Variants in CMTM7 observed in about 807,000 individuals in gnomAD.
The protein encoded by CMTM7 is CKLF like MARVEL transmembrane domain containing 7, also known as CKLF-like MARVEL transmembrane domain-containing protein 7.
Under a neutral mutation model 19.3 loss-of-function variants are expected in CMTM7, and 7 were observed. That is an observed-to-expected ratio of 0.36 (90% CI 0.21 to 0.68). The LOEUF (loss-of-function observed/expected upper bound fraction) is 0.68. CMTM7 is among the 30% of genes least tolerant of loss of function. The pLI is 0.60. For missense variants in CMTM7, 193 were observed against 232.6 expected (o/e 0.83, Z 1.11); for synonymous variants, 87 against 99.3 (o/e 0.88, Z 0.74).
chr3:32,438,926 C>G (rs1696636951), intron 1 of CMTM7, among the ~76,000 whole-genome samples: 1 of 152,204 alleles, frequency 6.6e-6, no homozygotes, highest in Non-Finnish European at 1.5e-5. Context: ...AAACTAGATG[C>G]AAAATTGCCT....
At chr3:32,412,609 C>T (rs992750308) in intron 1 of CMTM7, among the ~76,000 whole-genome samples, 3 of 103,876 alleles carry the variant, frequency 2.9e-5, no homozygotes, top group South Asian at 3.7e-4. Context: ...ATAGACCTAG[C>T]GTTTTTTTTT....
chr3:32,416,682 G>A (rs1242107267), intron 1 of CMTM7, among the ~76,000 whole-genome samples: 2 of 152,072 alleles, frequency 1.3e-5, no homozygotes, highest in Admixed American at 6.5e-5. Flanking sequence ...GAGCCACCAC[G>A]CCCAACCATA....
intron 2 of CMTM7, among the ~76,000 whole-genome samples, chr3:32,447,953 G>A (rs1169065400): frequency 6.6e-6 from 1 of 152,036 alleles, no homozygotes; most frequent in Non-Finnish European, 1.5e-5. Flanking sequence ...AATTTCTTTT[G>A]TGTTTCTAAG....
chr3:32,438,650 T>C (rs1294888844), intron 1 of CMTM7, among the ~76,000 whole-genome samples: 3 of 152,232 alleles, frequency 2.0e-5, no homozygotes, highest in Non-Finnish European at 4.4e-5. Context: ...GAAAGTCATA[T>C]GGTAGATGGC....
intron 1 of CMTM7, among the ~76,000 whole-genome samples, chr3:32,416,258 G>A (rs1192244640): frequency 6.6e-6 from 1 of 151,744 alleles, no homozygotes; most frequent in Non-Finnish European, 1.5e-5. Flanking sequence ...GAGTGCAATG[G>A]TGCGATCTTG....
intron 1 of CMTM7, among the ~76,000 whole-genome samples, chr3:32,392,770 C>T (rs1695859341): frequency 6.6e-6 from 1 of 152,160 alleles, no homozygotes; most frequent in Non-Finnish European, 1.5e-5. Context: ...ATGGGAGTCA[C>T]CCGTGGAGCC....
At chr3:32,428,315 C>T (rs1204845831) in intron 1 of CMTM7, among the ~76,000 whole-genome samples, 3 of 152,318 alleles carry the variant, frequency 2.0e-5, no homozygotes, top group Non-Finnish European at 4.4e-5. Flanking sequence ...CCTCAGAGTC[C>T]GACTCCTGGG....
chr3:32,425,247 T>C (rs140913208), intron 1 of CMTM7, among the ~76,000 whole-genome samples: 28 of 152,332 alleles, frequency 1.8e-4, no homozygotes, highest in African/African-American at 6.7e-4. Flanking sequence ...ATTATCATTA[T>C]TGGTATTATT....
chr3:32,395,891 G>T (rs894162767), intron 1 of CMTM7, among the ~76,000 whole-genome samples: 5 of 152,172 alleles, frequency 3.3e-5, no homozygotes, highest in Non-Finnish European at 1.5e-5. Flanking sequence ...CCCATCAAAT[G>T]ATGAATGTAT....
At chr3:32,406,987 G>A (rs148506030) in intron 1 of CMTM7, among the ~76,000 whole-genome samples, 1 of 152,334 alleles carries the variant, frequency 6.6e-6, no homozygotes, top group African/African-American at 2.4e-5. Flanking sequence ...AAGGCTGCAA[G>A]CATAATGAGT....
chr3:32,429,116 C>T (rs528600920), intron 1 of CMTM7, among the ~76,000 whole-genome samples: 3 of 152,142 alleles, frequency 2.0e-5, no homozygotes, highest in South Asian at 2.1e-4. Flanking sequence ...TCACACTGCT[C>T]GAATTGCTTA....
chr3:32,447,952 T>C (rs895646591), intron 2 of CMTM7, among the ~76,000 whole-genome samples: 1 of 152,240 alleles, frequency 6.6e-6, no homozygotes, highest in Non-Finnish European at 1.5e-5. Flanking sequence ...AAATTTCTTT[T>C]GTGTTTCTAA....
At chr3:32,408,626 G>A (rs989842307) in intron 1 of CMTM7, among the ~76,000 whole-genome samples, 4 of 152,188 alleles carry the variant, frequency 2.6e-5, no homozygotes, top group Non-Finnish European at 4.4e-5. Flanking sequence ...TGGAAAGGAC[G>A]TTCCAAAGAA....
At position 32,441,972 on chromosome 3, in the gene CMTM7, C is replaced by T. The variant is rs767127146; in HGVS notation, c.292C>T (p.Arg98Cys). Reference protein sequence around the residue: ...ILAFYLVHLFRFYRVLTCISW... With the variant: ...ILAFYLVHLFCFYRVLTCISW... ...CGCCTTTTACCTGGTCCACCTCTTCCGCTTCTACCGCGTGCTCACCTGTAT... is the reference window on the plus strand; with the variant it reads ...CGCCTTTTACCTGGTCCACCTCTTCTGCTTCTACCGCGTGCTCACCTGTAT... Residue 98 changes from arginine (R) to cysteine (C), a missense_variant, in exon 2 of 5, where the codon CGC becomes TGC. By Grantham distance (180) the Arg-to-Cys change is radical. Transcript: ENST00000334983. The T allele has an allele frequency of 6.8e-6, 11 of 1,614,080 alleles. No individual in the cohort carries two copies. The African/African-American group carries it at 8.0e-5, about 12-fold the overall frequency.
chr3:32,422,213 T>A (rs373165312), intron 1 of CMTM7, among the ~76,000 whole-genome samples: 25 of 152,300 alleles, frequency 1.6e-4, no homozygotes, highest in African/African-American at 5.1e-4. Flanking sequence ...TTTCTATTCT[T>A]GTTTTGTCGT....
Position 32,449,578 on chromosome 3 carries a change from G to A in CMTM7, c.432+26G>A, listed in dbSNP as rs199711756. The A allele has an allele frequency of 4.5e-6, 7 of 1,540,372 alleles. No homozygotes were observed. The Admixed American group carries it at 1.0e-4, about 22-fold the overall frequency. Reference sequence around the variant, plus strand: ...GTGAGGATGTTTTGGGGAGCCTTTAGGAATGAATTCTTATTTAAAATGCTC... The same window carrying A: ...GTGAGGATGTTTTGGGGAGCCTTTAAGAATGAATTCTTATTTAAAATGCTC... On this transcript the variant is annotated intron_variant, in intron 3 of 4. Coordinates refer to ENST00000334983, the MANE Select transcript of CMTM7 (RefSeq NM_138410.4). This position sits in a 1 kb window ranked among gnomAD's most constrained non-coding sequence, Gnocchi z 4.5.
At chr3:32,394,679 T>C (rs1299621523) in intron 1 of CMTM7, among the ~76,000 whole-genome samples, 1 of 152,198 alleles carries the variant, frequency 6.6e-6, no homozygotes, top group Non-Finnish European at 1.5e-5. Flanking sequence ...GTTTTGACTT[T>C]TGACTTTAAA....
At position 32,428,272 on chromosome 3, in the gene CMTM7, G is replaced by A. The variant is rs575767282; in HGVS notation, c.160-13568G>A. On this transcript the variant is annotated intron_variant, in intron 1 of 4. Coordinates refer to ENST00000334983, the MANE Select transcript of CMTM7 (RefSeq NM_138410.4). ...TTTGCAACAAACCCCATTGCCAGAG[G>A]TGGCCAGAGTGCAGCCTCAGTCCTC... Among the ~76,000 whole-genome samples the A allele has an allele frequency of 7.9e-5, 12 of 152,310 alleles. No individual in the cohort carries two copies. The East Asian group carries it at 1.9e-3, about 25-fold the overall frequency.
intron 1 of CMTM7, among the ~76,000 whole-genome samples, chr3:32,404,148 T>TTTA (rs1176956966): frequency 1.1e-5 from 1 of 91,994 alleles, no homozygotes; most frequent in Non-Finnish European, 2.5e-5. Context: ...CTTTCTTTTT[T>TTTA]TTTCTTTTTT....
Sources: allele counts gnomAD v4.1 joint callset (sites outside exome capture counted in the v4.1 genomes callset), GRCh38; gene constraint gnomAD v4.1.1; non-coding constraint Gnocchi (gnomAD v3.1); transcripts MANE v1.5; gene names NCBI Gene and HGNC (gene_info 2026-07-23, HGNC 2026-07-21).